DSTN: variants seen among roughly 807,000 people sequenced by gnomAD.
DSTN encodes the protein destrin.
In DSTN, 10 loss-of-function variants were observed where a neutral mutation model predicts 16.8. The observed-to-expected ratio is 0.60, with a 90% CI of 0.37 to 1.01. DSTN has a LOEUF of 1.01. DSTN is among the 50% of genes least tolerant of loss of function. The pLI is 0.01. For synonymous variants in DSTN, 57 were observed against 58.9 expected, an observed-to-expected ratio of 0.97 and a Z score of 0.14; for missense variants, 141 against 196.7, an observed-to-expected ratio of 0.72 and a Z score of 1.69.
intron 1 of DSTN, among the ~76,000 whole-genome samples, chr20:17,572,929 C>G (rs559258388): frequency 6.6e-6 from 1 of 152,322 alleles, no homozygotes; most frequent in East Asian, 1.9e-4. Context: ...ATCCCACTCC[C>G]TTCCCTCCCT....
chr20:17,577,639 G>A (rs1600699517), intron 1 of DSTN, among the ~76,000 whole-genome samples: 1 of 151,802 alleles, frequency 6.6e-6, no homozygotes, highest in East Asian at 1.9e-4. Context: ...TTGTCAAATG[G>A]AAAGAAAATA....
In DSTN at chr20:17,600,769, G is replaced by A. The variant is rs1231832728; in HGVS notation, c.35G>A (p.Cys12Tyr). 1.2e-6 allele frequency: 2 copies of A among 1,612,650 alleles called. No individual in the cohort carries two copies. Among genetic ancestry groups the A allele is most frequent in the African/African-American group, 2.7e-5 (2 of 74,800 alleles). The stretch of plus-strand genomic sequence containing the variant: ...GGAGTGCAAGTAGCTGATGAAGTAT[G>A]TCGCATTTTTTATGACATGAAAGTT... Reference protein sequence around the residue: ...ASGVQVADEVCRIFYDMKVRK... With the variant: ...ASGVQVADEVYRIFYDMKVRK... The change falls in exon 2 of 4, where the codon TGT becomes TAT. Residue 12 changes from cysteine (C) to tyrosine (Y), a missense_variant. Cys to Tyr is a radical substitution (Grantham distance 194, BLOSUM62 -2). Coordinates refer to ENST00000246069, the MANE Select transcript of DSTN (RefSeq NM_006870.4).
At position 17,583,735 on chromosome 20, in the gene DSTN, C is replaced by CTTTTCTT. The variant is rs1555808636; in HGVS notation, c.3+13528_3+13529insCTTTTTT. On this transcript the variant is annotated intron_variant, in intron 1 of 3. Coordinates refer to ENST00000246069, the MANE Select transcript of DSTN (RefSeq NM_006870.4). Reference sequence around the variant, plus strand: ...ATGACTGCTAATGGGTTTGGAGTTTCTTTTTTTTTTTTTTTTTTTTTTTGA... The same window carrying CTTTTCTT: ...ATGACTGCTAATGGGTTTGGAGTTTCTTTTCTTTTTTTTTTTTTTTTTTTTTTTTTGA... 9.7e-5 allele frequency among the ~76,000 whole-genome samples: 7 copies of CTTTTCTT among 72,490 alleles called. 1 individual carries two copies. The highest frequency in any genetic ancestry group is 1.6e-4 in the Non-Finnish European group (7 of 42,484). The allele number at this position is 72,490 out of a possible 152,430, so 47.6% of individuals were successfully genotyped here.
chr20:17,604,961 A>T (rs1039691880), intron 3 of DSTN: 2 of 454,778 alleles, frequency 4.4e-6, no homozygotes, highest in African/African-American at 3.9e-5. Flanking sequence ...AACATTGGAC[A>T]TAATAGTAAA....
At chr20:17,606,927 T>C in intron 3 of DSTN, 110 bp from the exon 4 acceptor site, 2 of 932,000 alleles carry the variant, frequency 2.1e-6, no homozygotes, top group Non-Finnish European at 3.3e-6. Flanking sequence ...TGTTTGTATA[T>C]ACCCCAGTTT....
intron 1 of DSTN, chr20:17,576,613 G>A (rs972226608): frequency 2.6e-5 from 4 of 152,218 alleles, no homozygotes; most frequent in South Asian, 2.1e-4. Context: ...GACTGAGAAC[G>A]TCTGTTGCAG....
chr20:17,576,577 G>A (rs2035280876), intron 1 of DSTN: 1 of 152,236 alleles, frequency 6.6e-6, no homozygotes, highest in African/African-American at 2.4e-5. Flanking sequence ...AATTAACAAA[G>A]TAATCTCTAA....
chr20:17,576,820 G>A (rs893612914), intron 1 of DSTN, among the ~76,000 whole-genome samples: 5 of 152,142 alleles, frequency 3.3e-5, no homozygotes, highest in Non-Finnish European at 5.9e-5. Flanking sequence ...TCCTACCCTT[G>A]TTTCTATCTT....
intron 1 of DSTN, among the ~76,000 whole-genome samples, chr20:17,584,668 A>T (rs1164802277): frequency 1.3e-5 from 2 of 151,416 alleles, no homozygotes; most frequent in Non-Finnish European, 2.9e-5. Context: ...AAAAAAAAAA[A>T]GGCTTACCAG....
chr20:17,595,396 TCCTC>T (rs1254986689), intron 1 of DSTN, among the ~76,000 whole-genome samples: 1 of 152,286 alleles, frequency 6.6e-6, no homozygotes, highest in East Asian at 1.9e-4. Context: ...CATTTTCCCT[TCCTC>T]CCTGTTTCAG....
At chr20:17,594,607 A>G (rs1224532636) in intron 1 of DSTN, among the ~76,000 whole-genome samples, 1 of 152,016 alleles carries the variant, frequency 6.6e-6, no homozygotes, top group African/African-American at 2.4e-5. Flanking sequence ...CATACAGCCA[A>G]CTCAGCTTGC....
At position 17,607,283 on chromosome 20, in the gene DSTN, A is replaced by G; in HGVS notation, c.*137A>G. The G allele has an allele frequency of 5.0e-6, 3 of 605,022 alleles. No homozygotes were observed. Among genetic ancestry groups the G allele is most frequent in the Non-Finnish European group, 8.1e-6 (3 of 369,314 alleles). The allele number at this position is 605,022 out of a possible 1,614,324, so 37.5% of individuals were successfully genotyped here. On this transcript the variant is annotated 3_prime_UTR_variant, in exon 4 of 4. Transcript: ENST00000246069. ...ATCTTTTAGAGTAAACTATTCTATA[A>G]ACATATGCAAACAGCCCTAAATAAA...
chr20:17,580,474 G>A (rs1450705123), intron 1 of DSTN, among the ~76,000 whole-genome samples: 5 of 152,306 alleles, frequency 3.3e-5, no homozygotes, highest in African/African-American at 7.2e-5. Flanking sequence ...AAGGCCAGGC[G>A]TGGTGACTCA....
At position 17,604,591 on chromosome 20, in the gene DSTN, C is replaced by G. The variant is rs2035621735; in HGVS notation, c.348C>G (p.Ile116Met). The G allele has an allele frequency of 6.2e-7, 1 of 1,613,550 alleles. No individual in the cohort carries two copies. ...TAGCACCTCTGAAAAGTAAAATGAT[C>G]TATGCAAGCTCCAAGGATGCAATTA... Reference protein sequence around the residue: ...PELAPLKSKMIYASSKDAIKK... With the variant: ...PELAPLKSKMMYASSKDAIKK... Residue 116 changes from isoleucine (I) to methionine (M), a missense_variant, in exon 3 of 4, where the codon ATC (isoleucine) becomes ATG (methionine). Transcript: ENST00000246069.
chr20:17,585,650 T>TAC (rs112116957), intron 1 of DSTN, among the ~76,000 whole-genome samples: 13 of 152,084 alleles, frequency 8.5e-5, no homozygotes, highest in East Asian at 5.8e-4. Flanking sequence ...CACACATATA[T>TAC]ACACACACAC....
At chr20:17,604,982 C>T in intron 3 of DSTN, 2 of 454,142 alleles carry the variant, frequency 4.4e-6, no homozygotes, top group South Asian at 3.3e-5. Flanking sequence ...TTTGCTCTTG[C>T]CTTTGAATGT....
chr20:17,599,910 A>G (rs572362549), intron 1 of DSTN: 1 of 152,252 alleles, frequency 6.6e-6, no homozygotes, highest in Non-Finnish European at 1.5e-5. Context: ...TAGAAAAGCT[A>G]ACATGCAAAA....
At chr20:17,602,568 G>T (rs1311515854) in intron 2 of DSTN, among the ~76,000 whole-genome samples, 2 of 152,186 alleles carry the variant, frequency 1.3e-5, no homozygotes, top group African/African-American at 2.4e-5. Flanking sequence ...ATTTTGCACT[G>T]TTACACTGTT....
chr20:17,571,841 C>T (rs1043516780), intron 1 of DSTN, among the ~76,000 whole-genome samples: 9 of 152,022 alleles, frequency 5.9e-5, no homozygotes, highest in Non-Finnish European at 8.8e-5. Context: ...GTTATATTTC[C>T]TGGTTCTTGT....
Sources: allele counts gnomAD v4.1 joint callset (sites outside exome capture counted in the v4.1 genomes callset), GRCh38; gene constraint gnomAD v4.1.1; transcripts MANE v1.5; gene names NCBI Gene and HGNC (gene_info 2026-07-23, HGNC 2026-07-21).